The following RNF213 variants were observed in gnomAD, a reference collection of about 807,000 sequenced individuals.
RNF213 encodes ring finger protein 213, also known as E3 ubiquitin-protein ligase RNF213.
Under a neutral mutation model 514.4 loss-of-function variants are expected in RNF213, and 341 were observed. The ratio of observed to expected loss-of-function variants is 0.66; its 90% CI spans 0.61 to 0.73. The LOEUF (loss-of-function observed/expected upper bound fraction) is 0.73, where lower values mean the gene tolerates loss of function less well. RNF213 is among the 30% of genes least tolerant of loss of function. The pLI is 0.00. For synonymous variants in RNF213, 2,655 were observed against 2,658.2 expected (o/e 1.00, Z 0.04); for missense variants, 5,767 against 6,615.6 (o/e 0.87, Z 4.45).
intron 17 of RNF213, chr17:80,320,184 C>T (rs998661423): frequency 3.1e-5 from 6 of 195,018 alleles, no homozygotes; most frequent in African/African-American, 1.2e-4. Flanking sequence ...TCCTCCTCCC[C>T]TCTAGTCACC....
In RNF213 at chr17:80,345,669, C is replaced by T; in HGVS notation, c.7334C>T (p.Thr2445Ile). The change falls in exon 29 of 68, where the codon ACC becomes ATC. Residue 2445 changes from threonine (T) to isoleucine (I), a missense_variant. Physicochemically the swap from Thr to Ile is moderately conservative, Grantham distance 89. Around this residue, in one of 13 missense-constraint regions of RNF213, gnomAD observed 1,377 missense variants for 1,635.2 expected, o/e 0.84. Transcript: ENST00000582970. The surrounding 1 kb of genome is among the most constrained non-coding windows in gnomAD (Gnocchi z 6.0). The part of the protein sequence containing the change: ...DLRRGGTNAD[T>I]IKLVKVHGGT... ...CGGCGTGGTGGTACCAATGCTGACA[C>T]CATAAAGCTGGTCAAGGTGCACGGA... The T allele has an allele frequency of 6.2e-7, 1 of 1,614,192 alleles. No homozygotes were observed. Among genetic ancestry groups the T allele is most frequent in the South Asian group, 1.1e-5 (1 of 91,080 alleles).
intron 2 of RNF213, 76 bp from the exon 3 acceptor site, chr17:80,273,165 G>C: frequency 6.3e-7 from 1 of 1,576,606 alleles, no homozygotes; most frequent in Non-Finnish European, 8.7e-7. Flanking sequence ...ATGCACTCGT[G>C]GGGAGGATTT....
In RNF213 at chr17:80,355,938, C is replaced by G. The variant is rs2078798128; in HGVS notation, c.10862+1362C>G. Among the ~76,000 whole-genome samples the G allele has an allele frequency of 2.0e-5, 3 of 151,954 alleles. No homozygotes were observed. The South Asian group carries it at 6.2e-4, about 32-fold the overall frequency. On this transcript the variant is annotated intron_variant, in intron 36 of 67. Coordinates refer to ENST00000582970, the MANE Select transcript of RNF213 (RefSeq NM_001256071.3). Reference sequence around the variant, plus strand: ...TTCGTTTCTCTCCTTGTCACGCCTTCTGAAGGGATTTTAGGAGATCAGAAA... The same window carrying G: ...TTCGTTTCTCTCCTTGTCACGCCTTGTGAAGGGATTTTAGGAGATCAGAAA...
At position 80,377,887 on chromosome 17, in the gene RNF213, C is replaced by G. The variant is rs761001833; in HGVS notation, c.13545+91C>G. 1.4e-6 allele frequency: 2 copies of G among 1,456,026 alleles called. No homozygotes were observed. Among genetic ancestry groups the G allele is most frequent in the Non-Finnish European group, 1.9e-6 (2 of 1,037,050 alleles). 90.2% of individuals were successfully genotyped at this position (1,456,026 alleles called of 1,614,324 possible). A position where few individuals can be genotyped will look rare whatever the true frequency, so the allele number is the denominator to read the frequency against. On this transcript the variant is annotated intron_variant, in intron 54 of 67. Coordinates refer to ENST00000582970, the MANE Select transcript of RNF213 (RefSeq NM_001256071.3). The surrounding 1 kb of genome is among the most constrained non-coding windows in gnomAD (Gnocchi z 4.1). ...TCGTGGGTCAGGAGAGTGAGGCTCTCGGCCTTCCAGGAGAGCACAGGCTCA... is the reference window on the plus strand; with the variant it reads ...TCGTGGGTCAGGAGAGTGAGGCTCTGGGCCTTCCAGGAGAGCACAGGCTCA...
rs773004529 is a variant in RNF213 at position 80,347,708 on chromosome 17, G to A, written c.9373G>A (p.Gly3125Ser). 3.1e-6 allele frequency: 5 copies of A among 1,613,948 alleles called. No individual in the cohort carries two copies. The highest frequency in any genetic ancestry group is 1.3e-5 in the African/African-American group (1 of 75,058). ...CAACCAGTACTACGTCCACCTCGGCGGCCAGAAGTACGTGGACCTCGGTCT... is the reference window on the plus strand; with the variant it reads ...CAACCAGTACTACGTCCACCTCGGCAGCCAGAAGTACGTGGACCTCGGTCT... ...ALNQYYVHLG[G>S]QKYVDLGLGT... is the part of the protein sequence containing the mutation. The change falls in exon 29 of 68, where the codon GGC (glycine) becomes AGC (serine). Residue 3125 changes from glycine (G) to serine (S), a missense_variant. Physicochemically the swap from Gly to Ser is moderately conservative, Grantham distance 56 (BLOSUM62 0). This residue lies in a region of RNF213 where 919 missense variants were observed against 1,121.0 expected (regional missense o/e 0.82). Transcript: ENST00000582970. The surrounding 1 kb of genome is among the most constrained non-coding windows in gnomAD (Gnocchi z 7.2).
In RNF213 at chr17:80,347,060, G is replaced by C; in HGVS notation, c.8725G>C (p.Glu2909Gln). Residue 2909 changes from glutamate to glutamine, a missense_variant, in exon 29 of 68, where the codon GAG (glutamate) becomes CAG (glutamine). By Grantham distance (29) the Glu-to-Gln change is conservative. This residue lies in a region of RNF213 where 919 missense variants were observed against 1,121.0 expected (regional missense o/e 0.82). Coordinates refer to ENST00000582970, the MANE Select transcript of RNF213 (RefSeq NM_001256071.3). The surrounding 1 kb of genome is among the most constrained non-coding windows in gnomAD (Gnocchi z 7.2). ...FVSRGSPNET[E>Q]LIESAKGICS... ...GTCACGTGGCAGCCCCAACGAGACAGAGCTCATAGAGAGCGCCAAGGGCAT... is the reference window on the plus strand; with the variant it reads ...GTCACGTGGCAGCCCCAACGAGACACAGCTCATAGAGAGCGCCAAGGGCAT... 1 of 1,614,050 alleles carries C rather than the reference G, an allele frequency of 6.2e-7. No homozygotes were observed. The highest frequency in any genetic ancestry group is 8.5e-7 in the Non-Finnish European group (1 of 1,180,014).
At chr17:80,262,790 T>C (rs1433181761) in intron 1 of RNF213, among the ~76,000 whole-genome samples, 4 of 152,144 alleles carry the variant, frequency 2.6e-5, no homozygotes, top group Non-Finnish European at 1.5e-5. Context: ...AGGCCCAGCC[T>C]GAGTGAGCCC....
In RNF213 at chr17:80,376,480, G is replaced by T. The variant is rs758689243; in HGVS notation, c.13365G>T (p.Leu4455=). Residue 4455 remains leucine, a synonymous_variant, in exon 52 of 68, where the codon CTG becomes CTT. Transcript: ENST00000582970. ...EMAIHAAAVL[L]CGQNELLEPL... is the part of the protein sequence containing the mutation. Reference sequence around the variant, plus strand: ...CCATTCATGCTGCAGCCGTCCTTCTGTGTGGACAGAATGAACTCTTGGAGC... The same window carrying T: ...CCATTCATGCTGCAGCCGTCCTTCTTTGTGGACAGAATGAACTCTTGGAGC... The T allele has an allele frequency of 1.1e-5, 17 of 1,614,058 alleles. No homozygotes were observed. The highest frequency in any genetic ancestry group is 1.4e-5 in the Non-Finnish European group (16 of 1,180,036).
Position 80,339,805 on chromosome 17 carries a change from G to C in RNF213, c.5438G>C (p.Gly1813Ala), listed in dbSNP as rs1443114448. 6.5e-7 allele frequency: 1 copy of C among 1,534,488 alleles called. No individual in the cohort carries two copies. Among genetic ancestry groups the C allele is most frequent in the African/African-American group, 1.4e-5 (1 of 73,084 alleles). The change falls in exon 26 of 68, where the codon GGT becomes GCT. Residue 1813 changes from glycine to alanine, a missense_variant. Gly to Ala is a moderately conservative substitution (Grantham distance 60, BLOSUM62 0). Around this residue, in one of 13 missense-constraint regions of RNF213, gnomAD observed 1,377 missense variants for 1,635.2 expected, o/e 0.84. Coordinates refer to ENST00000582970, the MANE Select transcript of RNF213 (RefSeq NM_001256071.3). ...TGTCTGGCTCACCTGGCAGGGATGG[G>C]TGGGTCTCCCGTGGAGCGTTGTCTC... Reference protein sequence around the residue: ...GHCLAHLAGMGGSPVERCLPR... With the variant: ...GHCLAHLAGMAGSPVERCLPR...
intron 21 of RNF213, chr17:80,333,795 A>C: frequency 3.0e-6 from 1 of 337,444 alleles, no homozygotes; most frequent in Non-Finnish European, 5.6e-6. Flanking sequence ...TTTATTGACA[A>C]AGCAGAAAAA....
chr17:80,365,024 T>G, intron 42 of RNF213: 1 of 231,144 alleles, frequency 4.3e-6, no homozygotes, highest in South Asian at 5.6e-5. Flanking sequence ...TGCCTGTCAC[T>G]CAACACCCTT....
At chr17:80,335,269 C>A (rs570449700) in intron 22 of RNF213, among the ~76,000 whole-genome samples, 10 of 152,050 alleles carry the variant, frequency 6.6e-5, no homozygotes, top group African/African-American at 2.4e-5. Flanking sequence ...TGATGCTGTG[C>A]GTTTCTTGGC....
chr17:80,347,699 C>A lies in RNF213; in HGVS notation c.9364C>A (p.His3122Asn). 1 of 1,614,004 alleles carries A rather than the reference C, an allele frequency of 6.2e-7. No homozygotes were observed. The highest frequency in any genetic ancestry group is 8.5e-7 in the Non-Finnish European group (1 of 1,179,886). ...CGACGCACTCAACCAGTACTACGTC[C>A]ACCTCGGCGGCCAGAAGTACGTGGA... ...LYDALNQYYV[H>N]LGGQKYVDLG... The change falls in exon 29 of 68, where the codon CAC becomes AAC. Residue 3122 changes from histidine to asparagine, a missense_variant. Around this residue, in one of 13 missense-constraint regions of RNF213, gnomAD observed 919 missense variants for 1,121.0 expected, o/e 0.82. Transcript: ENST00000582970. This position sits in a 1 kb window ranked among gnomAD's most constrained non-coding sequence, Gnocchi z 7.2.
rs1286002303 is a variant in RNF213 at position 80,383,689 on chromosome 17, A to C, written c.14083A>C (p.Thr4695Pro). 3 of 1,613,762 alleles carry C rather than the reference A, an allele frequency of 1.9e-6. No individual in the cohort carries two copies. Among genetic ancestry groups the C allele is most frequent in the Admixed American group, 1.7e-5 (1 of 59,954 alleles). The part of the protein sequence containing the change: ...ISPELEHLDK[T>P]LPTMNNLISQ... ...TTTCTCCATCCAGCATCTAGATAAAACCCTTCCCACCATGAATAATCTCAT... is the reference window on the plus strand; with the variant it reads ...TTTCTCCATCCAGCATCTAGATAAACCCCTTCCCACCATGAATAATCTCAT... The change falls in exon 59 of 68, where the codon ACC (threonine) becomes CCC (proline). Residue 4695 changes from threonine to proline, a missense_variant. Coordinates refer to ENST00000582970, the MANE Select transcript of RNF213 (RefSeq NM_001256071.3).
chr17:80,365,981 T>C (rs566514850), intron 42 of RNF213, among the ~76,000 whole-genome samples: 1 of 152,364 alleles, frequency 6.6e-6, no homozygotes, highest in Non-Finnish European at 1.5e-5. Context: ...ACTGGGTTTC[T>C]GGTTTATTTC....
At chr17:80,266,590 C>G (rs1394647003) in intron 2 of RNF213, among the ~76,000 whole-genome samples, 3 of 152,036 alleles carry the variant, frequency 2.0e-5, no homozygotes, top group Non-Finnish European at 1.5e-5. Flanking sequence ...CAACCTTTAC[C>G]TCCCAGGTTC....
chr17:80,393,489 A>G lies in RNF213; in HGVS notation c.15615A>G (p.Glu5205=), dbSNP rs2080567743. The G allele has an allele frequency of 1.2e-6, 2 of 1,614,152 alleles. No homozygotes were observed. The highest frequency in any genetic ancestry group is 4.5e-5 in the East Asian group (2 of 44,886). Residue 5205 remains glutamate (E), a synonymous_variant, in exon 68 of 68, where the codon GAA becomes GAG. Coordinates refer to ENST00000582970, the MANE Select transcript of RNF213 (RefSeq NM_001256071.3). ...KTAAVLKWNR[E]MR ...CTGCTGTGCTGAAATGGAATCGAGAAATGAGATAGAATTATTTCCTCAGCT... is the reference window on the plus strand; with the variant it reads ...CTGCTGTGCTGAAATGGAATCGAGAGATGAGATAGAATTATTTCCTCAGCT...
At chr17:80,306,989 G>T in intron 12 of RNF213, 139 bp from the exon 13 acceptor site, 1 of 815,718 alleles carries the variant, frequency 1.2e-6, no homozygotes, top group Non-Finnish European at 2.2e-6. Context: ...ATTAGTATGT[G>T]AGCACCTTAA....
chr17:80,378,331 G>A lies in RNF213; in HGVS notation c.13545+535G>A, dbSNP rs202011763. Among the ~76,000 whole-genome samples, 23 of 152,298 alleles carry A rather than the reference G, an allele frequency of 1.5e-4. No homozygotes were observed. The East Asian group carries it at 4.3e-3, about 28-fold the overall frequency. ...CACGTGTAGGCTGTGCGCCATGGGG[G>A]AAGAACTGTTGATTATTCCTCTCTG... On this transcript the variant is annotated intron_variant, in intron 54 of 67. Transcript: ENST00000582970.
Sources: gnomAD v4.1 joint callset for allele counts (sites outside exome capture counted in the v4.1 genomes callset) on GRCh38, gnomAD v4.1.1 for gene constraint, gnomAD v4.1.1 regional missense constraint, Gnocchi (gnomAD v3.1) non-coding constraint, MANE v1.5 for transcripts, NCBI Gene and HGNC (gene_info 2026-07-23, HGNC 2026-07-21) for gene names.